DROSHA: variants seen among roughly 807,000 people sequenced by gnomAD.
The protein encoded by DROSHA is drosha ribonuclease III.
DROSHA carries 56 observed loss-of-function variants against 181.9 expected under a neutral mutation model. The ratio of observed to expected loss-of-function variants is 0.31; its 90% CI spans 0.25 to 0.38. DROSHA has a LOEUF of 0.38. Among genes scored for constraint, DROSHA ranks in the 10% least tolerant of loss-of-function variants. The pLI is 1.00. For missense variants in DROSHA, 1,218 were observed against 1,743.5 expected (o/e 0.70, Z 5.37); for synonymous variants, 524 against 591.2 (o/e 0.89, Z 1.65).
In DROSHA at chr5:31,525,097, G is replaced by A. The variant is rs191684732; in HGVS notation, c.854+982C>T. On this transcript the variant is annotated intron_variant, in intron 5 of 35. Transcript: ENST00000344624. ...TGTAATCCCAGCACTTTGGGAGGCC[G>A]AGGGGGGCTGATCACCTGAGGTCAG... Among the ~76,000 whole-genome samples, 198 of 152,080 alleles carry A rather than the reference G, an allele frequency of 1.3e-3. 1 individual carries two copies. The highest frequency in any genetic ancestry group is 2.3e-3 in the Non-Finnish European group (159 of 67,988).
At chr5:31,530,141 G>C (rs1741101152) in intron 3 of DROSHA, among the ~76,000 whole-genome samples, 1 of 151,518 alleles carries the variant, frequency 6.6e-6, no homozygotes, top group Admixed American at 6.6e-5. Flanking sequence ...TTTTTTTTAA[G>C]ACACAAAGTC....
rs766647571 is a variant in DROSHA at position 31,409,372 on chromosome 5, T to G, written c.3668-40A>C. On this transcript the variant is annotated intron_variant, in intron 31 of 35. Transcript: ENST00000344624. This position sits in a 1 kb window ranked among gnomAD's most constrained non-coding sequence, Gnocchi z 4.0. The stretch of plus-strand genomic sequence containing the variant: ...ATACTTTAAAATAAACCACAATCAC[T>G]GCCATCTATCAGAAAGAGTAAGAGA... The G allele has an allele frequency of 1.4e-5, 21 of 1,542,952 alleles. No individual in the cohort carries two copies. The highest frequency in any genetic ancestry group is 7.3e-5 in the East Asian group (3 of 40,962).
intron 20 of DROSHA, among the ~76,000 whole-genome samples, chr5:31,462,583 T>C (rs1580177829): frequency 6.7e-6 from 1 of 149,202 alleles, no homozygotes; most frequent in Non-Finnish European, 1.5e-5. Flanking sequence ...GTGATATAGC[T>C]GAAGAATACA....
chr5:31,464,166 C>A (rs112436559), intron 20 of DROSHA, 70 bp downstream of exon 20: 14 of 1,276,348 alleles, frequency 1.1e-5, no homozygotes, highest in African/African-American at 7.5e-5. Flanking sequence ...AATTAAGAAA[C>A]CCTCAGTACC....
At chr5:31,438,597 G>A (rs1020786571) in intron 23 of DROSHA, among the ~76,000 whole-genome samples, 7 of 152,100 alleles carry the variant, frequency 4.6e-5, no homozygotes, top group African/African-American at 1.7e-4. Flanking sequence ...AGCAAGAGGT[G>A]CATTTTGGAC....
intron 3 of DROSHA, among the ~76,000 whole-genome samples, chr5:31,529,628 G>A (rs777679815): frequency 1.8e-4 from 28 of 151,872 alleles, no homozygotes; most frequent in Admixed American, 1.1e-3. Flanking sequence ...CCAGCTACTC[G>A]GGAGGCTGAG....
intron 8 of DROSHA, among the ~76,000 whole-genome samples, chr5:31,512,675 C>T (rs748508974): frequency 3.9e-5 from 6 of 152,294 alleles, no homozygotes; most frequent in Non-Finnish European, 8.8e-5. Context: ...ATCAGGGAAC[C>T]TTTGCCAACA....
chr5:31,500,783 A>T (rs1753499570), intron 11 of DROSHA, among the ~76,000 whole-genome samples: 1 of 152,236 alleles, frequency 6.6e-6, no homozygotes, highest in Non-Finnish European at 1.5e-5. Context: ...GATAGGACTA[A>T]GTGCTGGAAG....
At chr5:31,464,844 C>T (rs776802387) in intron 19 of DROSHA, among the ~76,000 whole-genome samples, 1 of 152,108 alleles carries the variant, frequency 6.6e-6, no homozygotes, top group African/African-American at 2.4e-5. Flanking sequence ...ACCTGTGAGA[C>T]ATGATTAGGA....
chr5:31,440,595 T>C (rs1007855340), intron 23 of DROSHA, among the ~76,000 whole-genome samples: 2 of 152,196 alleles, frequency 1.3e-5, no homozygotes, highest in Non-Finnish European at 2.9e-5. Flanking sequence ...CTCCTTTCAA[T>C]TTATGGCCTT....
chr5:31,486,460 A>G (rs764700126), intron 14 of DROSHA, 31 bp downstream of exon 14: 2 of 1,605,958 alleles, frequency 1.2e-6, no homozygotes, highest in East Asian at 2.2e-5. Context: ...AGAGCAAACT[A>G]CATCAAACCA....
chr5:31,521,197 T>G lies in DROSHA; in HGVS notation c.873A>C (p.Arg291Ser), dbSNP rs752503363. The part of the protein sequence containing the change: ...YERSRERERE[R>S]HRHRDNRRSP... ...ATCTTCGGTTGTCTCGATGCCTGTG[T>G]CTCTCCCGTTCTCGCTCTCTTAAAG... Residue 291 changes from arginine (R) to serine (S), a missense_variant, in exon 6 of 36, where the codon AGA becomes AGC. Arg to Ser is a moderately radical substitution (Grantham distance 110). Around this residue, in one of 8 missense-constraint regions of DROSHA, gnomAD observed 536 missense variants for 535.4 expected, o/e 1.00. Transcript: ENST00000344624. 8.7e-6 allele frequency: 14 copies of G among 1,613,576 alleles called. No homozygotes were observed. The East Asian group carries it at 3.1e-4, about 36-fold the overall frequency.
chr5:31,462,653 G>A (rs1580178270), intron 20 of DROSHA, among the ~76,000 whole-genome samples: 1 of 130,202 alleles, frequency 7.7e-6, no homozygotes. Context: ...GAAAAAAAAA[G>A]GCTCAATGCT....
At chr5:31,497,362 G>A (rs1753112252) in intron 11 of DROSHA, among the ~76,000 whole-genome samples, 2 of 152,174 alleles carry the variant, frequency 1.3e-5, no homozygotes, top group South Asian at 4.1e-4. Flanking sequence ...GATCCTTCAG[G>A]CCAAGATGCT....
At chr5:31,418,576 C>A (rs1742256777) in intron 30 of DROSHA, among the ~76,000 whole-genome samples, 1 of 152,002 alleles carries the variant, frequency 6.6e-6, no homozygotes, top group Non-Finnish European at 1.5e-5. Context: ...GCCCTTGTAA[C>A]GTATCAATAG....
intron 20 of DROSHA, among the ~76,000 whole-genome samples, chr5:31,456,932 T>C (rs1747737484): frequency 6.6e-6 from 1 of 152,046 alleles, no homozygotes; most frequent in South Asian, 2.1e-4. Flanking sequence ...TGGCTAAGTT[T>C]GCAATCCTCC....
intron 30 of DROSHA, among the ~76,000 whole-genome samples, chr5:31,413,404 A>T (rs1173417889): frequency 6.6e-6 from 1 of 152,230 alleles, no homozygotes; most frequent in Non-Finnish European, 1.5e-5. Flanking sequence ...TTACCTAGAC[A>T]AGAAAGTCTG....
rs770461844 is a variant in DROSHA at position 31,401,578 on chromosome 5, A to ATAT, written c.3995-19_3995-17dup. 1 of 1,392,360 alleles carries ATAT rather than the reference A, an allele frequency of 7.2e-7. No homozygotes were observed. The highest frequency in any genetic ancestry group is 9.3e-7 in the Non-Finnish European group (1 of 1,070,046). 86.3% of individuals were successfully genotyped at this position (1,392,360 alleles called of 1,614,324 possible). A position where few individuals can be genotyped will look rare whatever the true frequency, so the allele number is the denominator to read the frequency against. On this transcript the variant is annotated splice_polypyrimidine_tract_variant and intron_variant, in intron 35 of 35. Transcript: ENST00000344624. ...GGAAAATTATCTGACACAAGGAAAT[A>ATAT]TATTTTATATTTAATAAAATTATAT...
At chr5:31,428,976 A>T (rs551882684) in intron 27 of DROSHA, among the ~76,000 whole-genome samples, 1 of 152,216 alleles carries the variant, frequency 6.6e-6, no homozygotes, top group African/African-American at 2.4e-5. Context: ...ATTTGCTTTT[A>T]AAAAAGTACT....
Sources: gnomAD v4.1 joint callset for allele counts (sites outside exome capture counted in the v4.1 genomes callset) on GRCh38, gnomAD v4.1.1 for gene constraint, gnomAD v4.1.1 regional missense constraint, Gnocchi (gnomAD v3.1) non-coding constraint, MANE v1.5 for transcripts, NCBI Gene and HGNC (gene_info 2026-07-23, HGNC 2026-07-21) for gene names.